Variants in HTR1F observed in about 807,000 individuals in gnomAD.
HTR1F encodes 5-hydroxytryptamine (serotonin) receptor 1F, G protein-coupled.
HTR1F carries 17 observed loss-of-function variants against 24.0 expected under a neutral mutation model. That is an observed-to-expected ratio of 0.71 (90% CI 0.48 to 1.06). The LOEUF (loss-of-function observed/expected upper bound fraction) is 1.06. Among genes scored for constraint, HTR1F ranks in the 50% least tolerant of loss-of-function variants. The pLI is 0.00. For missense variants in HTR1F, 391 were observed against 427.8 expected (o/e 0.91, Z 0.76); for synonymous variants, 186 against 156.8 (o/e 1.19, Z -1.39).
At chr3:87,889,064 A>G (rs1706021420) in intron 2 of HTR1F, among the ~76,000 whole-genome samples, 1 of 152,060 alleles carries the variant, frequency 6.6e-6, no homozygotes, top group African/African-American at 2.4e-5. Context: ...AGTCCTCATG[A>G]GAGCTGGTTG....
At chr3:87,795,540 G>T (rs1483126187) in intron 1 of HTR1F, among the ~76,000 whole-genome samples, 3 of 152,130 alleles carry the variant, frequency 2.0e-5, no homozygotes, top group Non-Finnish European at 4.4e-5. Context: ...GGGTAAACAA[G>T]ATGCTGTGTG....
intron 1 of HTR1F, among the ~76,000 whole-genome samples, chr3:87,807,456 T>C (rs1183585661): frequency 6.6e-6 from 1 of 152,040 alleles, no homozygotes; most frequent in African/African-American, 2.4e-5. Flanking sequence ...GAAATGATTC[T>C]GATTTTTGTA....
At chr3:87,871,074 A>AT (rs1427984439) in intron 2 of HTR1F, among the ~76,000 whole-genome samples, 1 of 152,016 alleles carries the variant, frequency 6.6e-6, no homozygotes, top group African/African-American at 2.4e-5. Flanking sequence ...CAGCACTAAA[A>AT]ATGGAGATCA....
At chr3:87,869,412 GATAGATAGATAGATAGATAGATAC>G (rs1388595103) in intron 2 of HTR1F, among the ~76,000 whole-genome samples, 144 of 110,594 alleles carry the variant, frequency 1.3e-3, no homozygotes, top group Middle Eastern at 8.5e-3. Context: ...TAGATAGATA[GATAGATAGATAGATAGATAGATAC>G]ATAGATAGAT....
intron 1 of HTR1F, among the ~76,000 whole-genome samples, chr3:87,805,489 T>C (rs1285439720): frequency 6.6e-6 from 1 of 152,082 alleles, no homozygotes; most frequent in Admixed American, 6.6e-5. Context: ...TTCATATCTT[T>C]TTTTTATTTT....
intron 2 of HTR1F, among the ~76,000 whole-genome samples, chr3:87,880,309 A>G (rs1705762827): frequency 6.6e-6 from 1 of 152,182 alleles, no homozygotes; most frequent in African/African-American, 2.4e-5. Flanking sequence ...AAATGGATGT[A>G]ATTCATTGTA....
chr3:87,846,362 A>T lies in HTR1F; in HGVS notation c.-43+24238A>T, dbSNP rs540256269. On this transcript the variant is annotated intron_variant, in intron 2 of 2. Transcript: ENST00000319595. The stretch of plus-strand genomic sequence containing the variant: ...GGCAGCAGAATCTTTTGAACCTGGG[A>T]GGCAGAGGTTGTTGCAGTGAGCCAA... 7.2e-5 allele frequency among the ~76,000 whole-genome samples: 11 copies of T among 152,010 alleles called. 2 individuals carry two copies. Among genetic ancestry groups the T allele is most frequent in the African/African-American group, 2.7e-4 (11 of 41,306 alleles).
At chr3:87,881,401 T>A (rs1705795011) in intron 2 of HTR1F, among the ~76,000 whole-genome samples, 1 of 152,042 alleles carries the variant, frequency 6.6e-6, no homozygotes, top group African/African-American at 2.4e-5. Flanking sequence ...TTGCTGAGGC[T>A]TGAGTAGGTA....
intron 2 of HTR1F, among the ~76,000 whole-genome samples, chr3:87,839,176 GT>G (rs1029569363): frequency 5.3e-5 from 8 of 151,418 alleles, no homozygotes; most frequent in South Asian, 2.1e-4. Flanking sequence ...TGTTTTTTAT[GT>G]TTTTTTCCAA....
chr3:87,950,379 A>C (rs1704806309), intron 2 of HTR1F, among the ~76,000 whole-genome samples: 1 of 152,178 alleles, frequency 6.6e-6, no homozygotes, highest in Admixed American at 6.5e-5. Context: ...ACATCAGTCT[A>C]ATCCATTGAA....
At chr3:87,939,528 T>C (rs1704509578) in intron 2 of HTR1F, among the ~76,000 whole-genome samples, 1 of 152,206 alleles carries the variant, frequency 6.6e-6, no homozygotes, top group South Asian at 2.1e-4. Flanking sequence ...TGGTAGGCTA[T>C]TAATTACTGC....
At chr3:87,954,930 C>A (rs755935781) in intron 2 of HTR1F, among the ~76,000 whole-genome samples, 7 of 151,344 alleles carry the variant, frequency 4.6e-5, no homozygotes, top group Non-Finnish European at 8.9e-5. Flanking sequence ...TCTGGTGTCT[C>A]CAAGATAAAC....
chr3:87,849,563 A>C lies in HTR1F; in HGVS notation c.-43+27439A>C, dbSNP rs375249522. On this transcript the variant is annotated intron_variant, in intron 2 of 2. Coordinates refer to ENST00000319595, the MANE Select transcript of HTR1F (RefSeq NM_001322209.2). ...ATAGGCATGGGCAAGGACTTCATGTATAAAACACCAAAAGCAATGGCAACA... is the reference window on the plus strand; with the variant it reads ...ATAGGCATGGGCAAGGACTTCATGTCTAAAACACCAAAAGCAATGGCAACA... Among the ~76,000 whole-genome samples the C allele has an allele frequency of 3.8e-3, 575 of 151,962 alleles. 6 individuals carry two copies. Among genetic ancestry groups the C allele is most frequent in the Admixed American group, 5.0e-3 (77 of 15,268 alleles).
chr3:87,875,789 T>C (rs1333434671), intron 2 of HTR1F, among the ~76,000 whole-genome samples: 1 of 151,628 alleles, frequency 6.6e-6, no homozygotes, highest in Non-Finnish European at 1.5e-5. Flanking sequence ...CTGGGCATGG[T>C]GGTGGGTGCC....
intron 2 of HTR1F, among the ~76,000 whole-genome samples, chr3:87,898,890 C>A (rs1395233643): frequency 6.6e-6 from 1 of 152,034 alleles, no homozygotes; most frequent in Non-Finnish European, 1.5e-5. Context: ...CAAGTTATTT[C>A]TGAGGCAAAA....
At chr3:87,977,082 C>A (rs980188124) in intron 2 of HTR1F, among the ~76,000 whole-genome samples, 6 of 152,082 alleles carry the variant, frequency 3.9e-5, no homozygotes, top group African/African-American at 1.2e-4. Context: ...ACATTATTTC[C>A]TCCCACCATC....
intron 2 of HTR1F, among the ~76,000 whole-genome samples, chr3:87,951,673 T>G (rs1352003726): frequency 6.6e-6 from 1 of 152,078 alleles, no homozygotes; most frequent in Non-Finnish European, 1.5e-5. Flanking sequence ...CAAGAGTCCA[T>G]AGTTCACATT....
intron 2 of HTR1F, among the ~76,000 whole-genome samples, chr3:87,873,010 C>T (rs1201875240): frequency 6.6e-6 from 1 of 151,008 alleles, no homozygotes; most frequent in East Asian, 2.0e-4. Flanking sequence ...AGAGTAGTAA[C>T]CAATATCCCT....
chr3:87,820,003 T>G (rs1704324492), intron 1 of HTR1F, among the ~76,000 whole-genome samples: 1 of 152,116 alleles, frequency 6.6e-6, no homozygotes, highest in African/African-American at 2.4e-5. Flanking sequence ...ATTCTGCTTT[T>G]TATATTTCTG....
Sources: allele counts gnomAD v4.1 joint callset (sites outside exome capture counted in the v4.1 genomes callset), GRCh38; gene constraint gnomAD v4.1.1; transcripts MANE v1.5; gene names NCBI Gene and HGNC (gene_info 2026-07-23, HGNC 2026-07-21).